The following ARL5A variants were observed in gnomAD, a reference collection of about 807,000 sequenced individuals.
ARL5A encodes ADP-ribosylation factor-like protein 5A.
A neutral mutation model predicts 25.9 loss-of-function variants in ARL5A; 18 were observed. The ratio of observed to expected loss-of-function variants is 0.69; its 90% confidence interval spans 0.48 to 1.03. The LOEUF (loss-of-function observed/expected upper bound fraction) is 1.03. Ranked by LOEUF, ARL5A falls within the 50% of genes least tolerant of loss-of-function variation. The probability of loss-of-function intolerance (pLI) is 0.00; values close to 1 mark genes in which losing one functional copy is unlikely to be tolerated. For missense variants in ARL5A, 170 were observed against 211.9 expected, an observed-to-expected ratio of 0.80 and a Z score of 1.23; for synonymous variants, 61 against 67.5, an observed-to-expected ratio of 0.90 and a Z score of 0.47.
chr2:151,809,460 C>T (rs1300078287), intron 4 of ARL5A, among the ~76,000 whole-genome samples: 2 of 152,122 alleles, frequency 1.3e-5, no homozygotes, highest in Non-Finnish European at 2.9e-5. Flanking sequence ...GTTATTTTAT[C>T]AATTTTTACA....
chr2:151,807,978 C>T (rs559453485), intron 4 of ARL5A, among the ~76,000 whole-genome samples: 43 of 152,282 alleles, frequency 2.8e-4, no homozygotes, highest in Non-Finnish European at 4.7e-4. Flanking sequence ...TCCTGCCCCA[C>T]TCCTCTCTAC....
chr2:151,819,861 C>T (rs999238405), intron 1 of ARL5A, among the ~76,000 whole-genome samples: 1 of 151,846 alleles, frequency 6.6e-6, no homozygotes, highest in Admixed American at 6.6e-5. Context: ...CAAGACCAGC[C>T]TGGCCAAGAT....
chr2:151,810,533 T>A (rs1191598768), intron 4 of ARL5A: 1 of 442,610 alleles, frequency 2.3e-6, no homozygotes, highest in Non-Finnish European at 4.5e-6. Context: ...ACTTTCCAAC[T>A]AGGCCCTACT....
chr2:151,821,788 T>A (rs2099832357), intron 1 of ARL5A, among the ~76,000 whole-genome samples: 2 of 94,452 alleles, frequency 2.1e-5, no homozygotes, highest in African/African-American at 4.5e-5. Context: ...TTTTTTTTTT[T>A]CTTTTTTTTT....
intron 1 of ARL5A, chr2:151,827,752 C>T (rs181503496): frequency 4.4e-4 from 106 of 240,660 alleles, no homozygotes; most frequent in African/African-American, 2.3e-3. Context: ...CAGAAGACCC[C>T]AGCACTTCTA....
Position 151,828,210 on chromosome 2 carries a change from C to G in ARL5A, c.-34G>C. On this transcript the variant is annotated 5_prime_UTR_variant, in exon 1 of 6. Coordinates refer to ENST00000295087, the MANE Select transcript of ARL5A (RefSeq NM_012097.4). ...AGCGGACCCCCCCCCTCCAGACACC[C>G]GGGCCGCCTGGCTTCCCCCGGCTCA... 2.5e-6 allele frequency: 4 copies of G among 1,603,030 alleles called. No homozygotes were observed. The highest frequency in any genetic ancestry group is 3.4e-6 in the Non-Finnish European group (4 of 1,173,778).
chr2:151,821,780 TTTTTTTTTC>T (rs2099832353), intron 1 of ARL5A, among the ~76,000 whole-genome samples: 1 of 95,926 alleles, frequency 1.0e-5, no homozygotes, highest in Non-Finnish European at 2.0e-5. Flanking sequence ...GCTTTCTTTT[TTTTTTTTTC>T]TTTTTTTTTT....
At chr2:151,809,546 A>C (rs2099830549) in intron 4 of ARL5A, among the ~76,000 whole-genome samples, 1 of 152,238 alleles carries the variant, frequency 6.6e-6, no homozygotes, top group South Asian at 2.1e-4. Flanking sequence ...ATATTAGAAC[A>C]GTAGAAAATA....
At chr2:151,818,252 T>C (rs905431135) in intron 1 of ARL5A, among the ~76,000 whole-genome samples, 1 of 151,696 alleles carries the variant, frequency 6.6e-6, no homozygotes, top group African/African-American at 2.4e-5. Context: ...CCACAAGGAG[T>C]GTTACAGGCT....
In ARL5A at chr2:151,828,185, A is replaced by C. The variant is rs2151299332; in HGVS notation, c.-9T>G. 1.3e-6 allele frequency: 2 copies of C among 1,501,322 alleles called. No homozygotes were observed. Among genetic ancestry groups the C allele is most frequent in the South Asian group, 2.3e-5 (2 of 87,726 alleles). The allele number at this position is 1,501,322 out of a possible 1,614,324, so 93.0% of individuals were successfully genotyped here. Reference sequence around the variant, plus strand: ...GTGAAGAGAATTCCCATTCTCGGGCAGCGGACCCCCCCCCTCCAGACACCC... The same window carrying C: ...GTGAAGAGAATTCCCATTCTCGGGCCGCGGACCCCCCCCCTCCAGACACCC... On this transcript the variant is annotated 5_prime_UTR_variant, in exon 1 of 6. Transcript: ENST00000295087.
chr2:151,816,038 G>T (rs2099831458), intron 1 of ARL5A, among the ~76,000 whole-genome samples: 1 of 152,134 alleles, frequency 6.6e-6, no homozygotes, highest in African/African-American at 2.4e-5. Context: ...TGAATCTGGG[G>T]TGGCCCTGTG....
chr2:151,815,096 A>G, intron 2 of ARL5A, 43 bp downstream of exon 2: 1 of 1,465,890 alleles, frequency 6.8e-7, no homozygotes, highest in Non-Finnish European at 9.4e-7. Context: ...AGGCCAAAAA[A>G]GTAACTAGAA....
intron 1 of ARL5A, among the ~76,000 whole-genome samples, chr2:151,827,075 G>A (rs1259630476): frequency 1.3e-5 from 2 of 152,148 alleles, no homozygotes; most frequent in Non-Finnish European, 2.9e-5. Context: ...CACCATTCAC[G>A]TAAGTCTTTA....
chr2:151,806,917 C>T lies in ARL5A; in HGVS notation c.395G>A (p.Cys132Tyr). ...CTGGGAGATTTCTGCTACAGTCATG[C>T]ATTCTTTAACATCTTGTTTATTAGC... ...IFANKQDVKE[C>Y]MTVAEISQFL... The change falls in exon 5 of 6, where the codon TGC becomes TAC. Residue 132 changes from cysteine (C) to tyrosine (Y), a missense_variant. Physicochemically the swap from Cys to Tyr is radical, Grantham distance 194 (BLOSUM62 -2). Transcript: ENST00000295087. 6.2e-7 allele frequency: 1 copy of T among 1,612,970 alleles called. No individual in the cohort carries two copies. Among genetic ancestry groups the T allele is most frequent in the Non-Finnish European group, 8.5e-7 (1 of 1,179,538 alleles).
chr2:151,805,685 T>C (rs1578371235), intron 5 of ARL5A, among the ~76,000 whole-genome samples: 1 of 152,178 alleles, frequency 6.6e-6, no homozygotes, highest in Non-Finnish European at 1.5e-5. Context: ...TACTAAATTC[T>C]GTAGGTAACC....
chr2:151,803,461 C>A (rs2099829687), intron 5 of ARL5A, 137 bp from the exon 6 acceptor site: 1 of 678,440 alleles, frequency 1.5e-6, no homozygotes, highest in Non-Finnish European at 2.6e-6. Context: ...ATATTCAGTG[C>A]TTGGGCTGCT....
intron 3 of ARL5A, among the ~76,000 whole-genome samples, chr2:151,813,869 TAGAG>T (rs1282773729): frequency 3.3e-5 from 5 of 151,944 alleles, no homozygotes; most frequent in African/African-American, 7.3e-5. Context: ...CAAACATAAA[TAGAG>T]AGAAATGAAA....
intron 5 of ARL5A, among the ~76,000 whole-genome samples, chr2:151,805,186 T>A (rs756300775): frequency 3.2e-4 from 49 of 151,640 alleles, no homozygotes; most frequent in Non-Finnish European, 5.3e-4. Context: ...AATACATGGA[T>A]AATTGGTATT....
intron 5 of ARL5A, among the ~76,000 whole-genome samples, chr2:151,806,587 A>T (rs946959603): frequency 1.3e-5 from 2 of 152,186 alleles, no homozygotes; most frequent in Non-Finnish European, 2.9e-5. Flanking sequence ...TATAGCAATT[A>T]TAACAGCTAC....
Sources: gnomAD v4.1 joint callset for allele counts (sites outside exome capture counted in the v4.1 genomes callset) on GRCh38, gnomAD v4.1.1 for gene constraint, MANE v1.5 for transcripts, NCBI Gene and HGNC (gene_info 2026-07-23, HGNC 2026-07-21) for gene names.